The following ZNF215 variants were observed in gnomAD, a reference collection of about 807,000 sequenced individuals.
ZNF215 encodes the protein zinc finger protein 215.
In ZNF215, 24 loss-of-function variants were observed where a neutral mutation model predicts 27.2. The ratio of observed to expected loss-of-function variants is 0.88; its 90% CI spans 0.64 to 1.24. ZNF215 has a LOEUF of 1.24. ZNF215 is among the 50% of genes most tolerant of loss of function. The pLI is 0.00. For synonymous variants in ZNF215, 210 were observed against 204.0 expected (o/e 1.03, Z -0.25); for missense variants, 675 against 605.7 (o/e 1.11, Z -1.20).
At chr11:6,965,942 T>C (rs1255198578) in intron 5 of ZNF215, among the ~76,000 whole-genome samples, 1 of 152,212 alleles carries the variant, frequency 6.6e-6, no homozygotes, top group East Asian at 1.9e-4. Flanking sequence ...AGTTGGAAAG[T>C]TGTTCCTTAT....
chr11:6,980,385 C>A (rs1369303616), intron 5 of ZNF215, among the ~76,000 whole-genome samples: 1 of 151,900 alleles, frequency 6.6e-6, no homozygotes, highest in Non-Finnish European at 1.5e-5. Context: ...GGAAGTGATT[C>A]AAAAGTCTAC....
chr11:6,976,680 T>G (rs886452947), intron 5 of ZNF215, among the ~76,000 whole-genome samples: 2 of 152,032 alleles, frequency 1.3e-5, no homozygotes, highest in African/African-American at 4.8e-5. Flanking sequence ...GAGAGGTAAC[T>G]TACAGATTAT....
chr11:6,988,275 A>T (rs1851081406), downstream of ZNF215: 1 of 984,962 alleles, frequency 1.0e-6, no homozygotes, highest in Non-Finnish European at 1.2e-6. Flanking sequence ...GAAGATGGGG[A>T]TGGCAGACTC....
At chr11:6,961,541 T>TA (rs1350860642), downstream of ZNF215, among the ~76,000 whole-genome samples, 3 of 152,150 alleles carry the variant, frequency 2.0e-5, no homozygotes, top group African/African-American at 4.8e-5. Context: ...TTCTCTTACC[T>TA]TCACTGTCAC....
chr11:6,959,612 A>G (rs1482813952), downstream of ZNF215, among the ~76,000 whole-genome samples: 1 of 152,224 alleles, frequency 6.6e-6, no homozygotes, highest in Non-Finnish European at 1.5e-5. Flanking sequence ...GCTCAAAAAT[A>G]ATCTTGAATA....
chr11:6,927,043 C>G (rs1849076685), intron 1 of ZNF215, among the ~76,000 whole-genome samples: 1 of 152,172 alleles, frequency 6.6e-6, no homozygotes, highest in African/African-American at 2.4e-5. Flanking sequence ...TCGCCTCTTC[C>G]ACTCTGCAAT....
downstream of ZNF215, among the ~76,000 whole-genome samples, chr11:6,962,453 T>C (rs1488184995): frequency 1.3e-5 from 2 of 152,164 alleles, no homozygotes; most frequent in African/African-American, 4.8e-5. Flanking sequence ...CAAATTGATC[T>C]GATAAGGGAC....
chr11:6,961,460 A>G (rs990928626), downstream of ZNF215, among the ~76,000 whole-genome samples: 4 of 152,116 alleles, frequency 2.6e-5, no homozygotes, highest in African/African-American at 9.7e-5. Flanking sequence ...GAGAGATTCA[A>G]AAGAATGGGG....
downstream of ZNF215, among the ~76,000 whole-genome samples, chr11:6,962,176 T>C (rs1401757375): frequency 6.6e-6 from 1 of 152,184 alleles, no homozygotes; most frequent in Non-Finnish European, 1.5e-5. Context: ...TGCTTTTTAA[T>C]CCTTAGGCCT....
Position 6,964,695 on chromosome 11 carries a change from T to A in ZNF215, c.805+8913T>A, listed in dbSNP as rs113418507. On this transcript the variant is annotated intron_variant, in intron 5 of 5. Transcript: ENST00000529903. Reference sequence around the variant, plus strand: ...AAGTCTTCTTAGGTCTTTTTTTTTTTTTATTTTTAATGTCTTTGGCTTTCT... The same window carrying A: ...AAGTCTTCTTAGGTCTTTTTTTTTTATTATTTTTAATGTCTTTGGCTTTCT... Among the ~76,000 whole-genome samples, 843 of 151,868 alleles carry A rather than the reference T, an allele frequency of 5.6e-3. 11 individuals are homozygous for A. Among genetic ancestry groups the A allele is most frequent in the African/African-American group, 0.019 (776 of 41,494 alleles).
At chr11:6,976,743 A>T (rs1227593342) in intron 5 of ZNF215, among the ~76,000 whole-genome samples, 2 of 152,050 alleles carry the variant, frequency 1.3e-5, no homozygotes, top group African/African-American at 2.4e-5. Flanking sequence ...AGTGATTACA[A>T]TTGACTTGAA....
At chr11:6,986,806 C>T (rs1441855439), downstream of ZNF215, among the ~76,000 whole-genome samples, 2 of 152,146 alleles carry the variant, frequency 1.3e-5, no homozygotes, top group Non-Finnish European at 2.9e-5. Context: ...GGGATACCAT[C>T]TCACACCAGG....
chr11:6,962,803 G>T (rs1239272068), downstream of ZNF215, among the ~76,000 whole-genome samples: 3 of 152,022 alleles, frequency 2.0e-5, no homozygotes, highest in Admixed American at 2.0e-4. Context: ...TAATTCTGAT[G>T]CAAGTTTGCA....
intron 6 of ZNF215, 63 bp downstream of exon 6, chr11:6,943,704 T>C: frequency 8.0e-7 from 1 of 1,243,108 alleles, no homozygotes; most frequent in Non-Finnish European, 1.2e-6. Context: ...ATACAGACAA[T>C]GTGCAACCCA....
Position 6,943,123 on chromosome 11 carries a change from A to G in ZNF215, c.524A>G (p.Lys175Arg). ...TFKDVVVEFS[K>R]EEWGQLDSAV... is the part of the protein sequence containing the mutation. Reference sequence around the variant, plus strand: ...AAAGATGTGGTTGTGGAATTCAGCAAGGAAGAGTGGGGGCAACTGGACTCT... The same window carrying G: ...AAAGATGTGGTTGTGGAATTCAGCAGGGAAGAGTGGGGGCAACTGGACTCT... Residue 175 changes from lysine to arginine, a missense_variant, in exon 5 of 7, where the codon AAG becomes AGG. Physicochemically the swap from Lys to Arg is conservative, Grantham distance 26 (BLOSUM62 2). Coordinates refer to ENST00000278319, the MANE Select transcript of ZNF215 (RefSeq NM_013250.4). The G allele has an allele frequency of 6.2e-7, 1 of 1,613,998 alleles. No homozygotes were observed. Among genetic ancestry groups the G allele is most frequent in the South Asian group, 1.1e-5 (1 of 91,040 alleles).
At position 6,957,782 on chromosome 11, in the gene ZNF215, C is replaced by G; in HGVS notation, c.*1251C>G. ...TTTAGGCTGGAGAGACGTCCATAGC[C>G]TTAGGTATATCATTTATACCAGACA... On this transcript the variant is annotated 3_prime_UTR_variant, in exon 7 of 7. Transcript: ENST00000278319. 1 of 985,400 alleles carries G rather than the reference C, an allele frequency of 1.0e-6. No homozygotes were observed. Among genetic ancestry groups the G allele is most frequent in the African/African-American group, 1.7e-5 (1 of 57,358 alleles). 61.0% of individuals were successfully genotyped at this position (985,400 alleles called of 1,614,324 possible).
intron 6 of ZNF215, among the ~76,000 whole-genome samples, chr11:6,994,243 C>T (rs1190298871): frequency 6.6e-6 from 1 of 151,118 alleles, no homozygotes; most frequent in Non-Finnish European, 1.5e-5. Flanking sequence ...ATATTAAAGG[C>T]AAATTATGTA....
intron 6 of ZNF215, among the ~76,000 whole-genome samples, chr11:6,949,678 G>A (rs1472115269): frequency 1.1e-4 from 17 of 152,160 alleles, no homozygotes; most frequent in East Asian, 5.8e-4. Context: ...CCCATTTTGT[G>A]GGTTGCCTGT....
At chr11:6,993,243 T>C (rs971939867), downstream of ZNF215, among the ~76,000 whole-genome samples, 2 of 152,154 alleles carry the variant, frequency 1.3e-5, no homozygotes, top group Non-Finnish European at 2.9e-5. Context: ...TTCAATAAAC[T>C]CTCTTCTCAC....
Sources: gnomAD v4.1 joint callset for allele counts (sites outside exome capture counted in the v4.1 genomes callset) on GRCh38, gnomAD v4.1.1 for gene constraint, MANE v1.5 for transcripts, NCBI Gene and HGNC (gene_info 2026-07-23, HGNC 2026-07-21) for gene names.